The following ARFIP1 variants were observed in gnomAD, a reference collection of about 807,000 sequenced individuals.
ARFIP1 encodes the protein arfaptin-1.
Under a neutral mutation model 42.5 loss-of-function variants are expected in ARFIP1, and 24 were observed. That is an observed-to-expected ratio of 0.57 (90% CI 0.41 to 0.80). The LOEUF is 0.80. Ranked by LOEUF, ARFIP1 falls within the 30% of genes least tolerant of loss-of-function variation. The pLI, the probability that ARFIP1 is intolerant of heterozygous loss-of-function variation, is 0.00. For synonymous variants in ARFIP1, 141 were observed against 153.7 expected (o/e 0.92, Z 0.61); for missense variants, 354 against 434.0 (o/e 0.82, Z 1.64).
At chr4:152,905,554 T>TTTTTTTTTTTTG (rs1738269267) in intron 8 of ARFIP1, among the ~76,000 whole-genome samples, 2 of 114,486 alleles carry the variant, frequency 1.7e-5, no homozygotes, top group Admixed American at 9.4e-5. Flanking sequence ...TGTTTTTTTT[T>TTTTTTTTTTTTG]TTTTTTTTTT....
At chr4:152,788,801 C>CCT (rs1730970490) in intron 1 of ARFIP1, among the ~76,000 whole-genome samples, 1 of 113,412 alleles carries the variant, frequency 8.8e-6, no homozygotes, top group African/African-American at 3.4e-5. Context: ...TCCCCAATGT[C>CCT]TTTTTTTTTT....
At chr4:152,902,748 G>T (rs1737952553) in intron 8 of ARFIP1, among the ~76,000 whole-genome samples, 1 of 152,112 alleles carries the variant, frequency 6.6e-6, no homozygotes, top group Non-Finnish European at 1.5e-5. Flanking sequence ...GGAACATTTT[G>T]GCTTTTTGTC....
intron 2 of ARFIP1, among the ~76,000 whole-genome samples, chr4:152,851,504 T>G (rs1466478150): frequency 6.6e-6 from 1 of 152,138 alleles, no homozygotes; most frequent in East Asian, 1.9e-4. Context: ...GCTAGAGAGA[T>G]AAGTAGATAG....
intron 4 of ARFIP1, 26 bp from the exon 5 acceptor site, chr4:152,872,426 T>G (rs1227171483): frequency 4.2e-6 from 6 of 1,433,382 alleles, no homozygotes; most frequent in African/African-American, 2.8e-5. Context: ...ATCTGGATTG[T>G]GTTTTTATCT....
At chr4:152,889,144 G>T (rs1446238770) in intron 8 of ARFIP1, among the ~76,000 whole-genome samples, 3 of 151,988 alleles carry the variant, frequency 2.0e-5, no homozygotes, top group African/African-American at 7.2e-5. Context: ...TTGTTTTTCA[G>T]TTCTCTCAGG....
chr4:152,796,412 T>G (rs755423024), intron 1 of ARFIP1: 13 of 740,190 alleles, frequency 1.8e-5, no homozygotes, highest in Admixed American at 1.7e-4. Flanking sequence ...CTTCCATGCC[T>G]TCTTCTTTCT....
intron 5 of ARFIP1, among the ~76,000 whole-genome samples, chr4:152,874,407 A>G (rs1488405326): frequency 9.2e-5 from 14 of 152,224 alleles, no homozygotes. Context: ...GTCAAAAAAG[A>G]AAAAGAAAGT....
intron 1 of ARFIP1, among the ~76,000 whole-genome samples, chr4:152,820,326 A>G (rs749505846): frequency 6.6e-6 from 1 of 152,202 alleles, no homozygotes; most frequent in Non-Finnish European, 1.5e-5. Context: ...TACTGGGGAA[A>G]AAAATTTAGA....
intron 2 of ARFIP1, among the ~76,000 whole-genome samples, chr4:152,830,731 T>C (rs543630032): frequency 1.1e-3 from 166 of 152,328 alleles, no homozygotes; most frequent in African/African-American, 3.7e-3. Flanking sequence ...ATTCCTGGCC[T>C]CTTCCTACTA....
At chr4:152,870,874 G>C (rs1346208726) in intron 4 of ARFIP1, 26 bp downstream of exon 4, 1 of 1,549,960 alleles carries the variant, frequency 6.5e-7, no homozygotes, top group African/African-American at 1.4e-5. Flanking sequence ...ATTGGATAAA[G>C]CACTTATTGC....
intron 2 of ARFIP1, among the ~76,000 whole-genome samples, chr4:152,850,225 G>A (rs562986804): frequency 3.7e-4 from 57 of 152,162 alleles, no homozygotes; most frequent in African/African-American, 1.3e-3. Flanking sequence ...TAACATTAGT[G>A]GACTGTATTT....
At chr4:152,889,829 CTATATACTATATATATACTATATATACTA>C (rs1561173830) in intron 8 of ARFIP1, among the ~76,000 whole-genome samples, 9 of 85,340 alleles carry the variant, frequency 1.1e-4, no homozygotes, top group South Asian at 4.3e-4. Context: ...ACTATATATA[CTATATACTATATATATACTATATATACTA>C]TATATACTAT....
chr4:152,876,330 T>C (rs1197167943), intron 5 of ARFIP1, among the ~76,000 whole-genome samples: 3 of 152,178 alleles, frequency 2.0e-5, no homozygotes, highest in Admixed American at 6.5e-5. Context: ...GAATAACTTA[T>C]TGGGAACTGG....
intron 1 of ARFIP1, among the ~76,000 whole-genome samples, chr4:152,822,161 A>G (rs1265558010): frequency 6.6e-6 from 1 of 152,174 alleles, no homozygotes; most frequent in Non-Finnish European, 1.5e-5. Context: ...CTGACTTTAG[A>G]AGACACAGAT....
intron 1 of ARFIP1, among the ~76,000 whole-genome samples, chr4:152,808,489 G>T (rs1729189812): frequency 6.6e-6 from 1 of 150,662 alleles, no homozygotes; most frequent in African/African-American, 2.4e-5. Context: ...ATATTTCTTG[G>T]GTATATTTCC....
intron 2 of ARFIP1, among the ~76,000 whole-genome samples, chr4:152,836,036 A>G (rs554469702): frequency 3.3e-5 from 5 of 152,318 alleles, no homozygotes; most frequent in Admixed American, 6.5e-5. Flanking sequence ...CTCATGATCC[A>G]GTCACCTCCC....
At chr4:152,792,417 G>A (rs1468229707) in intron 1 of ARFIP1, among the ~76,000 whole-genome samples, 2 of 152,216 alleles carry the variant, frequency 1.3e-5, no homozygotes, top group East Asian at 3.9e-4. Flanking sequence ...GAAAAATAAT[G>A]TAAATTCATA....
At chr4:152,850,175 A>G (rs969652725) in intron 2 of ARFIP1, among the ~76,000 whole-genome samples, 2 of 152,220 alleles carry the variant, frequency 1.3e-5, no homozygotes, top group African/African-American at 4.8e-5. Context: ...TAAGTGTTTT[A>G]CAATTTATAT....
intron 1 of ARFIP1, among the ~76,000 whole-genome samples, chr4:152,817,405 C>A (rs1044123008): frequency 2.6e-5 from 4 of 152,120 alleles, no homozygotes; most frequent in Non-Finnish European, 5.9e-5. Flanking sequence ...AACTGGATAT[C>A]CACATGCAAA....
Sources: allele counts gnomAD v4.1 joint callset (sites outside exome capture counted in the v4.1 genomes callset), GRCh38; gene constraint gnomAD v4.1.1; transcripts MANE v1.5; gene names NCBI Gene and HGNC (gene_info 2026-07-23, HGNC 2026-07-21).